The following ASIC2 variants were observed in gnomAD, a reference collection of about 807,000 sequenced individuals.
ASIC2 encodes acid-sensing ion channel 2.
A neutral mutation model predicts 57.3 loss-of-function variants in ASIC2; 25 were observed. The observed-to-expected ratio is 0.44, with a 90% CI of 0.32 to 0.61. The LOEUF is 0.61. ASIC2 is among the 20% of genes least tolerant of loss of function. The pLI is 0.06. For synonymous variants in ASIC2, 319 were observed against 307.5 expected, an observed-to-expected ratio of 1.04 and a Z score of -0.39; for missense variants, 641 against 738.1, an observed-to-expected ratio of 0.87 and a Z score of 1.52.
At chr17:33,333,673 T>C (rs1274260220) in intron 1 of ASIC2, among the ~76,000 whole-genome samples, 1 of 152,162 alleles carries the variant, frequency 6.6e-6, no homozygotes, top group African/African-American at 2.4e-5. Context: ...ATAAGCTTTA[T>C]TATAATAAAT....
intron 1 of ASIC2, among the ~76,000 whole-genome samples, chr17:33,652,315 C>T (rs1490931): frequency 0.041 from 6,165 of 152,168 alleles, 165 homozygotes; most frequent in South Asian, 0.13. Context: ...ATTGAATAGG[C>T]CTAGGACACT....
intron 1 of ASIC2, among the ~76,000 whole-genome samples, chr17:33,289,634 G>C (rs1905336909): frequency 6.6e-6 from 1 of 152,136 alleles, no homozygotes; most frequent in African/African-American, 2.4e-5. Flanking sequence ...GAACTTGCTG[G>C]CTCTGAGCAT....
chr17:33,732,086 A>G (rs1225943841), intron 1 of ASIC2, among the ~76,000 whole-genome samples: 2 of 152,242 alleles, frequency 1.3e-5, no homozygotes, highest in Admixed American at 6.5e-5. Context: ...GAAAATACAC[A>G]TATCTTTGAT....
chr17:34,030,293 A>G (rs1306845608), intron 1 of ASIC2, among the ~76,000 whole-genome samples: 1 of 152,316 alleles, frequency 6.6e-6, no homozygotes, highest in East Asian at 1.9e-4. Flanking sequence ...AAATCCACCC[A>G]TACTTTCATT....
At chr17:33,535,807 A>G (rs1915210049) in intron 1 of ASIC2, among the ~76,000 whole-genome samples, 1 of 152,216 alleles carries the variant, frequency 6.6e-6, no homozygotes, top group South Asian at 2.1e-4. Context: ...AGTGTCCATC[A>G]GCATGGATCC....
intron 1 of ASIC2, among the ~76,000 whole-genome samples, chr17:33,410,537 G>A (rs1044430800): frequency 1.3e-5 from 2 of 152,182 alleles, no homozygotes; most frequent in African/African-American, 4.8e-5. Flanking sequence ...TCGGTAAGCT[G>A]CCCTCAGCCC....
chr17:33,834,822 A>T (rs1359332372), intron 1 of ASIC2, among the ~76,000 whole-genome samples: 1 of 152,178 alleles, frequency 6.6e-6, no homozygotes, highest in Non-Finnish European at 1.5e-5. Context: ...GAGGTGTAAG[A>T]AGTTTCTGAG....
intron 1 of ASIC2, among the ~76,000 whole-genome samples, chr17:34,130,408 A>G (rs1027990328): frequency 6.6e-6 from 1 of 152,224 alleles, no homozygotes; most frequent in African/African-American, 2.4e-5. Context: ...AAATGGGGAT[A>G]TGGGCAAGGG....
At chr17:33,431,378 G>C (rs1305758124) in intron 1 of ASIC2, among the ~76,000 whole-genome samples, 1 of 152,080 alleles carries the variant, frequency 6.6e-6, no homozygotes, top group African/African-American at 2.4e-5. Context: ...AGGTCGAGGC[G>C]GGCAGATCAC....
At chr17:33,289,442 T>C (rs993126132) in intron 1 of ASIC2, among the ~76,000 whole-genome samples, 4 of 152,090 alleles carry the variant, frequency 2.6e-5, no homozygotes, top group African/African-American at 9.7e-5. Flanking sequence ...CTGGGCCACA[T>C]GGGGTGGCTC....
intron 1 of ASIC2, among the ~76,000 whole-genome samples, chr17:33,954,637 T>A (rs1349318894): frequency 6.6e-6 from 1 of 152,214 alleles, no homozygotes; most frequent in Non-Finnish European, 1.5e-5. Context: ...CAGTGCTGAC[T>A]GTTCATCCCC....
chr17:33,724,255 T>C (rs1290382663), intron 1 of ASIC2, among the ~76,000 whole-genome samples: 1 of 152,204 alleles, frequency 6.6e-6, no homozygotes, highest in African/African-American at 2.4e-5. Flanking sequence ...ATTAAACCTC[T>C]TTTTCTTTAT....
intron 1 of ASIC2, among the ~76,000 whole-genome samples, chr17:33,912,855 T>G (rs1201306280): frequency 6.6e-6 from 1 of 151,950 alleles, no homozygotes; most frequent in African/African-American, 2.4e-5. Context: ...GGTGCATGCC[T>G]ATAATCCCAG....
intron 3 of ASIC2, among the ~76,000 whole-genome samples, chr17:33,069,488 A>G (rs1407936035): frequency 6.6e-6 from 1 of 151,870 alleles, no homozygotes; most frequent in African/African-American, 2.4e-5. Flanking sequence ...CAGTTCTATC[A>G]GTTTTTGCTT....
intron 3 of ASIC2, among the ~76,000 whole-genome samples, chr17:33,060,676 A>G (rs966238507): frequency 2.0e-5 from 3 of 152,156 alleles, no homozygotes; most frequent in Non-Finnish European, 4.4e-5. Flanking sequence ...ACTTTAAAGT[A>G]GTTTTTTCCA....
intron 1 of ASIC2, among the ~76,000 whole-genome samples, chr17:33,403,655 G>C (rs1432455877): frequency 1.3e-5 from 2 of 152,316 alleles, no homozygotes; most frequent in South Asian, 2.1e-4. Flanking sequence ...GCTGTACTTA[G>C]TACAAGAAAC....
intron 1 of ASIC2, among the ~76,000 whole-genome samples, chr17:33,231,250 C>T (rs547250938): frequency 6.6e-5 from 10 of 152,314 alleles, no homozygotes; most frequent in Admixed American, 1.3e-4. Flanking sequence ...TTCATCTTCC[C>T]TGCCTTTCAG....
chr17:33,597,312 C>T (rs761614277), intron 1 of ASIC2, among the ~76,000 whole-genome samples: 8 of 152,272 alleles, frequency 5.3e-5, no homozygotes, highest in East Asian at 1.9e-4. Context: ...CCACAGGTGG[C>T]GGAGAGTTTT....
rs1056558684 is a variant in ASIC2, at chr17:33,022,835, G to C, written c.1349+1026C>G. Among the ~76,000 whole-genome samples the C allele has an allele frequency of 1.2e-4, 18 of 152,224 alleles. 1 individual carries two copies. Among genetic ancestry groups the C allele is most frequent in the Admixed American group, 2.0e-4 (3 of 15,288 alleles). On this transcript the variant is annotated intron_variant, in intron 6 of 9. Transcript: ENST00000225823. Reference sequence around the variant, plus strand: ...CAACATGAATATGTAATTACACACTGTGGTGTTATAAAGGAAAACACCAGA... The same window carrying C: ...CAACATGAATATGTAATTACACACTCTGGTGTTATAAAGGAAAACACCAGA...
Sources: gnomAD v4.1 joint callset for allele counts (sites outside exome capture counted in the v4.1 genomes callset) on GRCh38, gnomAD v4.1.1 for gene constraint, MANE v1.5 for transcripts, NCBI Gene and HGNC (gene_info 2026-07-23, HGNC 2026-07-21) for gene names.